TRIM24: variants seen among roughly 807,000 people sequenced by gnomAD.
TRIM24 encodes the protein tripartite motif containing 24.
In TRIM24, 29 loss-of-function variants were observed where a neutral mutation model predicts 123.9. That is an observed-to-expected ratio of 0.23 (90% confidence interval 0.17 to 0.32). The LOEUF is 0.32. TRIM24 is among the 10% of genes least tolerant of loss of function. TRIM24 has a pLI of 1.00. For synonymous variants in TRIM24, 456 were observed against 461.1 expected, an observed-to-expected ratio of 0.99 and a Z score of 0.14; for missense variants, 932 against 1,295.3, an observed-to-expected ratio of 0.72 and a Z score of 4.31.
At chr7:138,575,715 T>C (rs2116680457) in intron 12 of TRIM24, among the ~76,000 whole-genome samples, 1 of 152,208 alleles carries the variant, frequency 6.6e-6, no homozygotes, top group Admixed American at 6.5e-5. Flanking sequence ...TGCAACAGTT[T>C]TCCTTCTTTC....
intron 1 of TRIM24, among the ~76,000 whole-genome samples, chr7:138,485,975 A>G (rs530749123): frequency 6.6e-6 from 1 of 152,268 alleles, no homozygotes; most frequent in South Asian, 2.1e-4. Flanking sequence ...AAGTGTTCCT[A>G]TTTCTCCACA....
chr7:138,502,229 G>A (rs115540778), intron 1 of TRIM24, among the ~76,000 whole-genome samples: 80 of 152,274 alleles, frequency 5.3e-4, no homozygotes, highest in African/African-American at 1.8e-3. Flanking sequence ...ACGGTACAGG[G>A]CTTACTGCCC....
intron 1 of TRIM24, among the ~76,000 whole-genome samples, chr7:138,474,554 T>C (rs1795356293): frequency 6.6e-6 from 1 of 152,256 alleles, no homozygotes; most frequent in African/African-American, 2.4e-5. Context: ...ACAGGTATTT[T>C]ATCCTGTTTT....
chr7:138,498,635 TTTTTTC>T (rs918555327), intron 1 of TRIM24, among the ~76,000 whole-genome samples: 14 of 152,182 alleles, frequency 9.2e-5, no homozygotes, highest in Admixed American at 2.6e-4. Flanking sequence ...GCTCACATTG[TTTTTTC>T]TTTTTCTTTT....
chr7:138,573,672 AAG>A, intron 12 of TRIM24, 30 bp downstream of exon 12: 1 of 1,584,098 alleles, frequency 6.3e-7, no homozygotes, highest in South Asian at 1.2e-5. Context: ...ATTTTTGTGA[AAG>A]TTTTTCTAGT....
Position 138,585,262 on chromosome 7 carries a change from C to T in TRIM24, c.*311C>T. ...TCCCACTTCTTGGATTTTTAAACCA[C>T]AGTCTGGAGTGATAGCTACTGTAGA... is the stretch of plus-strand genomic sequence containing the variant. On this transcript the variant is annotated 3_prime_UTR_variant, in exon 19 of 19. Transcript: ENST00000343526. 1 of 276,462 alleles carries T rather than the reference C, an allele frequency of 3.6e-6. No homozygotes were observed. 17.1% of individuals were successfully genotyped at this position (276,462 alleles called of 1,614,324 possible). A position where few individuals can be genotyped will look rare whatever the true frequency, so the allele number is the denominator to read the frequency against.
Position 138,462,562 on chromosome 7 carries a change from G to T in TRIM24, c.364+1650G>T, listed in dbSNP as rs1017408927. ...TCACCGTGTTAGCCAGGATGGTCTCGATCTCCTGACCTCGTGATCCGCCCG... is the reference window on the plus strand; with the variant it reads ...TCACCGTGTTAGCCAGGATGGTCTCTATCTCCTGACCTCGTGATCCGCCCG... On this transcript the variant is annotated intron_variant, in intron 1 of 18. Coordinates refer to ENST00000343526, the MANE Select transcript of TRIM24 (RefSeq NM_015905.3). 4.6e-5 allele frequency among the ~76,000 whole-genome samples: 7 copies of T among 151,772 alleles called. No individual in the cohort carries two copies. In the South Asian group the frequency reaches 1.2e-3, roughly 27 times the overall value.
intron 4 of TRIM24, among the ~76,000 whole-genome samples, chr7:138,524,512 A>G (rs1390621399): frequency 6.6e-6 from 1 of 152,178 alleles, no homozygotes; most frequent in Admixed American, 6.5e-5. Flanking sequence ...TGGCAACCCT[A>G]TTTAGTTACA....
intron 7 of TRIM24, among the ~76,000 whole-genome samples, chr7:138,547,670 GTTAT>G (rs1258064719): frequency 1.3e-5 from 2 of 152,036 alleles, no homozygotes; most frequent in Non-Finnish European, 2.9e-5. Context: ...CCCAAAATAA[GTTAT>G]TTATTTATTT....
At chr7:138,549,646 G>A (rs75908354) in intron 7 of TRIM24, among the ~76,000 whole-genome samples, 1,802 of 152,266 alleles carry the variant, frequency 0.012, 38 homozygotes, top group African/African-American at 0.041. Context: ...AATAGGAGAC[G>A]GTAAACCTAG....
rs773272081 is a variant in TRIM24 at position 138,570,825 on chromosome 7, T to G, written c.1705-5T>G. Reference sequence around the variant, plus strand: ...GCCTTTGTTCTTCTCTTCTTGTTACTGTAGTGGCAGATCAGCAGTGGACAG... The same window carrying G: ...GCCTTTGTTCTTCTCTTCTTGTTACGGTAGTGGCAGATCAGCAGTGGACAG... On this transcript the variant is annotated splice_region_variant and splice_polypyrimidine_tract_variant and intron_variant, in intron 10 of 18. Transcript: ENST00000343526. 6.2e-7 allele frequency: 1 copy of G among 1,613,828 alleles called. No homozygotes were observed. Among genetic ancestry groups the G allele is most frequent in the African/African-American group, 1.3e-5 (1 of 75,032 alleles).
At chr7:138,577,286 GCAT>G (rs1299994056) in intron 13 of TRIM24, 131 bp from the exon 14 acceptor site, 3 of 584,750 alleles carry the variant, frequency 5.1e-6, no homozygotes, top group Non-Finnish European at 8.2e-6. Flanking sequence ...CATTTGTTAT[GCAT>G]CATTAATTGC....
At chr7:138,479,687 T>TTTTTTTTTTTG (rs1795483601) in intron 1 of TRIM24, among the ~76,000 whole-genome samples, 1 of 151,886 alleles carries the variant, frequency 6.6e-6, no homozygotes, top group South Asian at 2.1e-4. Flanking sequence ...TTGTATTTTT[T>TTTTTTTTTTTG]AGTAGATATG....
In TRIM24 at chr7:138,493,454, G is replaced by A. The variant is rs139610017; in HGVS notation, c.365-10836G>A. 7.4e-3 allele frequency among the ~76,000 whole-genome samples: 1,122 copies of A among 152,246 alleles called. 12 individuals are homozygous for A. Among genetic ancestry groups the A allele is most frequent in the South Asian group, 0.042 (204 of 4,824 alleles). On this transcript the variant is annotated intron_variant, in intron 1 of 18. Coordinates refer to ENST00000343526, the MANE Select transcript of TRIM24 (RefSeq NM_015905.3). ...AGTGACTTTTCCAAGAAATTTTTGC[G>A]AAGTCTTTGTTCCTTGTTATGTATG...
chr7:138,511,582 G>A (rs573269352), intron 2 of TRIM24, among the ~76,000 whole-genome samples: 62 of 152,148 alleles, frequency 4.1e-4, no homozygotes, highest in Non-Finnish European at 8.8e-4. Flanking sequence ...GAGCCACTGC[G>A]CCTGGCCATG....
intron 1 of TRIM24, among the ~76,000 whole-genome samples, chr7:138,492,071 G>T (rs1007149860): frequency 2.0e-5 from 3 of 151,394 alleles, no homozygotes; most frequent in Non-Finnish European, 2.9e-5. Flanking sequence ...TTCGAGACCA[G>T]ACTGAGCAAC....
At chr7:138,467,796 G>A (rs781371347) in intron 1 of TRIM24, among the ~76,000 whole-genome samples, 29 of 151,886 alleles carry the variant, frequency 1.9e-4, no homozygotes, top group Admixed American at 1.1e-3. Context: ...AAATGATATC[G>A]TATATGATAT....
rs1481998074 is a variant in TRIM24 at position 138,554,314 on chromosome 7, G to A, written c.1262-384G>A. On this transcript the variant is annotated intron_variant, in intron 8 of 18. Transcript: ENST00000343526. This position sits in a 1 kb window ranked among gnomAD's most constrained non-coding sequence, Gnocchi z 4.5. ...TTAACAATATATTATGATAGATAGTGCAGAAACAGATAATGTGATTTCAGC... is the reference window on the plus strand; with the variant it reads ...TTAACAATATATTATGATAGATAGTACAGAAACAGATAATGTGATTTCAGC... 6.6e-6 allele frequency among the ~76,000 whole-genome samples: 1 copy of A among 152,148 alleles called. No individual in the cohort carries two copies. Among genetic ancestry groups the A allele is most frequent in the African/African-American group, 2.4e-5 (1 of 41,424 alleles).
chr7:138,461,211 TC>T (rs1306981722), intron 1 of TRIM24: 1 of 656,184 alleles, frequency 1.5e-6, no homozygotes, highest in Non-Finnish European at 2.9e-6. Context: ...CAGACCTCTG[TC>T]GGAGTCTCCT....
Sources: allele counts gnomAD v4.1 joint callset (sites outside exome capture counted in the v4.1 genomes callset), GRCh38; gene constraint gnomAD v4.1.1; non-coding constraint Gnocchi (gnomAD v3.1); transcripts MANE v1.5; gene names NCBI Gene and HGNC (gene_info 2026-07-23, HGNC 2026-07-21).